Variants in POLD1 observed in about 807,000 individuals in gnomAD.
POLD1 encodes the protein DNA polymerase delta catalytic subunit.
A neutral mutation model predicts 129.7 loss-of-function variants in POLD1; 79 were observed. The observed-to-expected ratio is 0.61, with a 90% CI of 0.51 to 0.73. POLD1 has a LOEUF of 0.73. Ranked by LOEUF, POLD1 falls within the 30% of genes least tolerant of loss-of-function variation. The pLI is 0.00. For synonymous variants in POLD1, 714 were observed against 683.3 expected (o/e 1.04, Z -0.70); for missense variants, 1,338 against 1,595.8 (o/e 0.84, Z 2.75).
chr19:50,413,387 C>T lies in POLD1; in HGVS notation c.2155-39C>T, dbSNP rs576610685. The stretch of plus-strand genomic sequence containing the variant: ...GCCGGCCCACGTTCACTGCACATGG[C>T]CCCCAGGGCTTCACTCCGCATGATT... On this transcript the variant is annotated intron_variant, in intron 17 of 26. Coordinates refer to ENST00000440232, the MANE Select transcript of POLD1 (RefSeq NM_002691.4). 1.6e-4 allele frequency: 243 copies of T among 1,555,410 alleles called. 1 individual carries two copies. In the South Asian group the frequency reaches 2.4e-3, roughly 15 times the overall value.
chr19:50,401,373 A>G (rs1425096828), intron 3 of POLD1, among the ~76,000 whole-genome samples: 14 of 51,330 alleles, frequency 2.7e-4, no homozygotes, highest in African/African-American at 6.9e-4. Context: ...ATGTGTATAT[A>G]TATATATATA....
rs946941126 is a variant in POLD1, at chr19:50,402,093, C to G, written c.558C>G (p.Ala186=). The change falls in exon 5 of 27, where the codon GCC becomes GCG. Residue 186 remains alanine, a synonymous_variant. Coordinates refer to ENST00000440232, the MANE Select transcript of POLD1 (RefSeq NM_002691.4). Reference sequence around the variant, plus strand: ...GGGGGAGGGAGCTGACTGGGCCGGCCGTGCTGGCTGTGGAACTGTGCTCCC... The same window carrying G: ...GGGGGAGGGAGCTGACTGGGCCGGCGGTGCTGGCTGTGGAACTGTGCTCCC... ...SRGGRELTGP[A]VLAVELCSRE... is the part of the protein sequence containing the mutation. The G allele has an allele frequency of 1.2e-6, 2 of 1,613,706 alleles. No homozygotes were observed. The highest frequency in any genetic ancestry group is 2.2e-5 in the East Asian group (1 of 44,870).
Position 50,406,054 on chromosome 19 carries a change from T to A in POLD1, c.1243-128T>A. 5 of 1,102,188 alleles carry A rather than the reference T, an allele frequency of 4.5e-6. No individual in the cohort carries two copies. Among genetic ancestry groups the A allele is most frequent in the Non-Finnish European group, 5.3e-6 (4 of 759,126 alleles). The allele number at this position is 1,102,188 out of a possible 1,614,324, so 68.3% of individuals were successfully genotyped here. On this transcript the variant is annotated intron_variant, in intron 10 of 26. Transcript: ENST00000440232. The surrounding 1 kb of genome is among the most constrained non-coding windows in gnomAD (Gnocchi z 5.5). ...CACACCCAGCCCCAGACCGTCTTTC[T>A]GCCCCCAGGGTTGCTCTCGACCCCC...
chr19:50,401,819 G>C lies in POLD1; in HGVS notation c.358G>C (p.Gly120Arg), dbSNP rs746234949. Residue 120 changes from glycine (G) to arginine (R), a missense_variant, in exon 4 of 27, where the codon GGC becomes CGC. Physicochemically the swap from Gly to Arg is moderately radical, Grantham distance 125. Transcript: ENST00000440232. ...GCCTGGGGGGCCCCCACCATCCCGC[G>C]GCTCCGTGCCTGTGCTCCGCGCCTT... Reference protein sequence around the residue: ...PVPGGPPPSRGSVPVLRAFGV... With the variant: ...PVPGGPPPSRRSVPVLRAFGV... 141 of 1,613,458 alleles carry C rather than the reference G, an allele frequency of 8.7e-5. No homozygotes were observed. The highest frequency in any genetic ancestry group is 1.2e-4 in the Non-Finnish European group (139 of 1,179,888).
Position 50,409,691 on chromosome 19 carries a change from C to A in POLD1, c.2154+25C>A. ...GGTGGGCACTCGGGCCCCTGGAAGG[C>A]AACTGGGGGCAGGTGGGCCCCCTGT... On this transcript the variant is annotated intron_variant, in intron 17 of 26. Transcript: ENST00000440232. This position sits in a 1 kb window ranked among gnomAD's most constrained non-coding sequence, Gnocchi z 5.8. 1 of 1,578,666 alleles carries A rather than the reference C, an allele frequency of 6.3e-7. No individual in the cohort carries two copies. Among genetic ancestry groups the A allele is most frequent in the South Asian group, 1.1e-5 (1 of 87,050 alleles).
At chr19:50,397,474 G>A (rs1197876712) in intron 1 of POLD1, among the ~76,000 whole-genome samples, 1 of 149,034 alleles carries the variant, frequency 6.7e-6, no homozygotes, top group Non-Finnish European at 1.5e-5. Context: ...GCACGATCTC[G>A]GCTCACTGCA....
Position 50,402,339 on chromosome 19 carries a change from G to C in POLD1, c.724G>C (p.Ala242Pro). The C allele has an allele frequency of 6.2e-7, 1 of 1,611,120 alleles. No homozygotes were observed. Residue 242 changes from alanine (A) to proline (P), a missense_variant, in exon 6 of 27, where the codon GCG (alanine) becomes CCG (proline). Coordinates refer to ENST00000440232, the MANE Select transcript of POLD1 (RefSeq NM_002691.4). ...RVAGLGTPSF[A>P]PYEANVDFEI... ...GGCAGGCCTGGGCACGCCCAGCTTC[G>C]CGCCCTACGAGGCCAACGTCGACTT...
chr19:50,417,741 A>G, intron 26 of POLD1, 101 bp from the exon 27 acceptor site: 1 of 441,118 alleles, frequency 2.3e-6, no homozygotes, highest in Non-Finnish European at 4.4e-6. Context: ...TGGGCTGGGC[A>G]GCAGGCGGGG....
rs1411501990 is a variant in POLD1 at position 50,402,320 on chromosome 19, C to A, written c.705C>A (p.Gly235=). ...TGGAACAGGGCATCCGTGTGGCAGGCCTGGGCACGCCCAGCTTCGCGCCCT... is the reference window on the plus strand; with the variant it reads ...TGGAACAGGGCATCCGTGTGGCAGGACTGGGCACGCCCAGCTTCGCGCCCT... The part of the protein sequence containing the change: ...RLLEQGIRVA[G]LGTPSFAPYE... Residue 235 remains glycine, a synonymous_variant, in exon 6 of 27, where the codon GGC becomes GGA. Transcript: ENST00000440232. The A allele has an allele frequency of 6.2e-7, 1 of 1,610,770 alleles. No individual in the cohort carries two copies.
intron 3 of POLD1, among the ~76,000 whole-genome samples, chr19:50,401,391 ATTTTTTT>A (rs1203165864): frequency 3.3e-3 from 217 of 65,866 alleles, no homozygotes; most frequent in African/African-American, 0.014. Context: ...ATATATATAT[ATTTTTTT>A]TTTTTTTTTT....
chr19:50,402,235 C>T lies in POLD1; in HGVS notation c.620C>T (p.Ser207Phe). Residue 207 changes from serine to phenylalanine, a missense_variant, in exon 6 of 27, where the codon TCC becomes TTC. Physicochemically the swap from Ser to Phe is radical, Grantham distance 155 (BLOSUM62 -2). Coordinates refer to ENST00000440232, the MANE Select transcript of POLD1 (RefSeq NM_002691.4). ...SMFGYHGHGP[S>F]PFLRITVALP... Reference sequence around the variant, plus strand: ...TTTGGGTACCACGGGCACGGCCCCTCCCCGTTCCTGCGCATCACCGTGGCG... The same window carrying T: ...TTTGGGTACCACGGGCACGGCCCCTTCCCGTTCCTGCGCATCACCGTGGCG... 1 of 1,592,280 alleles carries T rather than the reference C, an allele frequency of 6.3e-7. No individual in the cohort carries two copies. Among genetic ancestry groups the T allele is most frequent in the Non-Finnish European group, 8.6e-7 (1 of 1,168,296 alleles).
intron 3 of POLD1, among the ~76,000 whole-genome samples, chr19:50,400,298 A>G (rs553025308): frequency 1.7e-4 from 21 of 124,428 alleles, no homozygotes; most frequent in African/African-American, 5.4e-4. Flanking sequence ...TTGGCTCACT[A>G]TAACCTCCGC....
Position 50,409,612 on chromosome 19 carries a change from A to G in POLD1, c.2100A>G (p.Val700=), listed in dbSNP as rs772468675. The stretch of plus-strand genomic sequence containing the variant: ...CGCTGAAGGTGAGCGCCAACTCCGT[A>G]TACGGCTTCACTGGCGCCCAGGTGG... The part of the protein sequence containing the change: ...QLALKVSANS[V]YGFTGAQVGK... Residue 700 remains valine (V), a synonymous_variant, in exon 17 of 27, where the codon GTA becomes GTG. Coordinates refer to ENST00000440232, the MANE Select transcript of POLD1 (RefSeq NM_002691.4). This position sits in a 1 kb window ranked among gnomAD's most constrained non-coding sequence, Gnocchi z 5.8. The G allele has an allele frequency of 7.3e-5, 118 of 1,611,318 alleles. No homozygotes were observed. The highest frequency in any genetic ancestry group is 8.3e-5 in the Admixed American group (5 of 59,934).
At chr19:50,413,621 C>A in intron 18 of POLD1, 100 bp downstream of exon 18, 1 of 1,525,416 alleles carries the variant, frequency 6.6e-7, no homozygotes, top group Non-Finnish European at 9.0e-7. Context: ...TGGTCACACC[C>A]TGCCCACTCT....
rs200864923 is a variant in POLD1 at position 50,408,792 on chromosome 19, G to C, written c.1783G>C (p.Asp595His). Residue 595 changes from aspartate to histidine, a missense_variant, in exon 15 of 27, where the codon GAC becomes CAC. Asp to His is a moderately conservative substitution (Grantham distance 81, BLOSUM62 -1). Transcript: ENST00000440232. ...TVIEPLKGYY[D>H]VPIATLDFSS... ...CGGCTGCTCCCCTCCCAGGTACTACGACGTCCCCATCGCCACCCTGGACTT... is the reference window on the plus strand; with the variant it reads ...CGGCTGCTCCCCTCCCAGGTACTACCACGTCCCCATCGCCACCCTGGACTT... The C allele has an allele frequency of 6.2e-7, 1 of 1,613,734 alleles. No homozygotes were observed. The highest frequency in any genetic ancestry group is 8.5e-7 in the Non-Finnish European group (1 of 1,179,954).
chr19:50,402,748 C>A lies in POLD1; in HGVS notation c.970+7C>A, dbSNP rs1277454071. The A allele has an allele frequency of 2.5e-6, 4 of 1,581,062 alleles. No individual in the cohort carries two copies. The highest frequency in any genetic ancestry group is 3.5e-6 in the Non-Finnish European group (4 of 1,158,740). On this transcript the variant is annotated splice_region_variant and intron_variant, in intron 8 of 26. Transcript: ENST00000440232. ...GAGTGCGCCGGCCGCAAAGGTCTGTCCCCGGGCCCGGGCTCCTGCCCGCCT... is the reference window on the plus strand; with the variant it reads ...GAGTGCGCCGGCCGCAAAGGTCTGTACCCGGGCCCGGGCTCCTGCCCGCCT...
intron 26 of POLD1, among the ~76,000 whole-genome samples, 165 bp from the exon 27 acceptor site, chr19:50,417,671 TCCCCCC>T (rs3840923): frequency 4.5e-5 from 5 of 110,522 alleles, no homozygotes; most frequent in East Asian, 2.9e-4. Flanking sequence ...TGTTATCGGC[TCCCCCC>T]CCCCACCCCC....
chr19:50,399,269 C>A, intron 2 of POLD1, 102 bp from the exon 3 acceptor site: 4 of 1,174,042 alleles, frequency 3.4e-6, no homozygotes, highest in Non-Finnish European at 5.0e-6. Context: ...CCTGCCTGAC[C>A]CAGACCACCA....
intron 10 of POLD1, among the ~76,000 whole-genome samples, 158 bp downstream of exon 10, chr19:50,403,755 C>T (rs926366556): frequency 5.9e-5 from 9 of 152,202 alleles, no homozygotes; most frequent in Non-Finnish European, 8.8e-5. Context: ...TGGTCCTGCC[C>T]TGCTCCAAGT....
Sources: gnomAD v4.1 joint callset for allele counts (sites outside exome capture counted in the v4.1 genomes callset) on GRCh38, gnomAD v4.1.1 for gene constraint, Gnocchi (gnomAD v3.1) non-coding constraint, MANE v1.5 for transcripts, NCBI Gene and HGNC (gene_info 2026-07-23, HGNC 2026-07-21) for gene names.